The following TMEM154 variants were observed in gnomAD, a reference collection of about 807,000 sequenced individuals.
The protein encoded by TMEM154 is transmembrane protein 154.
A neutral mutation model predicts 24.5 loss-of-function variants in TMEM154; 27 were observed. That is an observed-to-expected ratio of 1.10 (90% CI 0.81 to 1.52). The LOEUF (loss-of-function observed/expected upper bound fraction) is 1.52, where lower values mean the gene tolerates loss of function less well. Ranked by LOEUF, TMEM154 falls within the 40% of genes most tolerant of loss-of-function variation. The pLI, the probability that TMEM154 is intolerant of heterozygous loss-of-function variation, is 0.00. For missense variants in TMEM154, 228 were observed against 213.4 expected, an observed-to-expected ratio of 1.07 and a Z score of -0.43; for synonymous variants, 67 against 76.8, an observed-to-expected ratio of 0.87 and a Z score of 0.67.
intron 1 of TMEM154, among the ~76,000 whole-genome samples, 174 bp from the exon 2 acceptor site, chr4:152,653,101 C>G (rs1239919834): frequency 6.6e-6 from 1 of 152,134 alleles, no homozygotes; most frequent in African/African-American, 2.4e-5. Flanking sequence ...GAAGCTCAAG[C>G]TGGGAGTGTA....
chr4:152,669,908 TA>T (rs1444648809), intron 1 of TMEM154: 1 of 152,258 alleles, frequency 6.6e-6, no homozygotes, highest in Non-Finnish European at 1.5e-5. Context: ...CCACCTTCTT[TA>T]ATTACTCAGG....
intron 3 of TMEM154, among the ~76,000 whole-genome samples, chr4:152,647,747 A>C (rs533550776): frequency 1.3e-5 from 2 of 152,358 alleles, no homozygotes; most frequent in East Asian, 3.9e-4. Flanking sequence ...GGATGATAAT[A>C]AGCTAGCACT....
chr4:152,660,036 T>G (rs1398156633), intron 1 of TMEM154, among the ~76,000 whole-genome samples: 1 of 151,448 alleles, frequency 6.6e-6, no homozygotes, highest in African/African-American at 2.4e-5. Context: ...AAAACGAAAC[T>G]GTGGATAAGG....
chr4:152,665,323 G>GCCCA (rs1318399222), intron 1 of TMEM154, among the ~76,000 whole-genome samples: 1 of 152,132 alleles, frequency 6.6e-6, no homozygotes, highest in Non-Finnish European at 1.5e-5. Context: ...TCTAGACCCT[G>GCCCA]CCCACTTCTG....
chr4:152,663,058 C>G (rs574978575), intron 1 of TMEM154, among the ~76,000 whole-genome samples: 1 of 152,176 alleles, frequency 6.6e-6, no homozygotes, highest in Admixed American at 6.5e-5. Context: ...AAAAAGTAGG[C>G]CTTCTGCTCT....
At chr4:152,661,284 TTCTCTCTC>T (rs70949609) in intron 1 of TMEM154, among the ~76,000 whole-genome samples, 1,997 of 63,310 alleles carry the variant, frequency 0.032, 29 homozygotes, top group East Asian at 0.063. Context: ...ATTGTTCTCT[TTCTCTCTC>T]TCTCTCTCTC....
chr4:152,639,540 T>C (rs1158523265), intron 6 of TMEM154, among the ~76,000 whole-genome samples: 1 of 152,078 alleles, frequency 6.6e-6, no homozygotes, highest in African/African-American at 2.4e-5. Flanking sequence ...CCTGGCATTG[T>C]TGTTTTCTTC....
rs1308169318 is a variant in TMEM154, at chr4:152,624,164, T to C, written c.*4382A>G. 2 of 152,214 alleles carry C rather than the reference T, an allele frequency of 1.3e-5. No homozygotes were observed. The highest frequency in any genetic ancestry group is 2.9e-5 in the Non-Finnish European group (2 of 68,042). The allele number at this position is 152,214 out of a possible 1,614,324, so 9.4% of individuals were successfully genotyped here. On this transcript the variant is annotated 3_prime_UTR_variant, in exon 7 of 7. Transcript: ENST00000304385. ...ACTTTGGTTTAGAAACTTCTTAAAA[T>C]ATCATTCAAAAAGAGCTTAGAGCAT... is the stretch of plus-strand genomic sequence containing the variant.
chr4:152,679,339 A>T (rs1283269272), intron 1 of TMEM154, among the ~76,000 whole-genome samples: 1 of 151,126 alleles, frequency 6.6e-6, no homozygotes, highest in East Asian at 1.9e-4. Flanking sequence ...TCTAACACAT[A>T]GCTCTTTGGT....
chr4:152,626,838 G>A lies in TMEM154; in HGVS notation c.*1708C>T, dbSNP rs1385927751. On this transcript the variant is annotated 3_prime_UTR_variant, in exon 7 of 7. Transcript: ENST00000304385. ...AGTAGCACACATAGGCAGAAAAATA[G>A]ACAAGTTATGATTCAGAAAACAATT... 1 of 152,178 alleles carries A rather than the reference G, an allele frequency of 6.6e-6. No homozygotes were observed. Among genetic ancestry groups the A allele is most frequent in the African/African-American group, 2.4e-5 (1 of 41,454 alleles). The allele number at this position is 152,178 out of a possible 1,614,324, so 9.4% of individuals were successfully genotyped here.
At chr4:152,640,807 C>T (rs1407103651) in intron 6 of TMEM154, 121 bp downstream of exon 6, 12 of 805,680 alleles carry the variant, frequency 1.5e-5, no homozygotes, top group African/African-American at 3.5e-5. Flanking sequence ...TATCCAGCCG[C>T]GTAAATGATC....
Position 152,644,421 on chromosome 4 carries a change from A to G in TMEM154, c.386T>C (p.Val129Ala), listed in dbSNP as rs761728172. 8.5e-5 allele frequency: 138 copies of G among 1,614,054 alleles called. No homozygotes were observed. Among genetic ancestry groups the G allele is most frequent in the Middle Eastern group, 1.6e-4 (1 of 6,084 alleles). ...LQTYELGSEN[V>A]KVPIFEEDTP... is the part of the protein sequence containing the mutation. ...AGCAGCAGGGAAAACTTACACTTTC[A>G]CGTTTTCACTTCCCAGTTCATCTAA... Residue 129 changes from valine (V) to alanine (A), a missense_variant, in exon 4 of 7, where the codon GTG (valine) becomes GCG (alanine). Physicochemically the swap from Val to Ala is moderately conservative, Grantham distance 64 (BLOSUM62 0). Transcript: ENST00000304385.
Position 152,656,318 on chromosome 4 carries a change from A to G in TMEM154, c.65-3391T>C, listed in dbSNP as rs571296516. Among the ~76,000 whole-genome samples the G allele has an allele frequency of 9.9e-5, 15 of 152,228 alleles. No individual in the cohort carries two copies. The South Asian group carries it at 2.1e-3, about 21-fold the overall frequency. On this transcript the variant is annotated intron_variant, in intron 1 of 6. Coordinates refer to ENST00000304385, the MANE Select transcript of TMEM154 (RefSeq NM_152680.3). Reference sequence around the variant, plus strand: ...CAGCCTGCCTGGACACACTAACACCAGTGCCAGTGTATACTGCCTTGGGAT... The same window carrying G: ...CAGCCTGCCTGGACACACTAACACCGGTGCCAGTGTATACTGCCTTGGGAT...
intron 1 of TMEM154, among the ~76,000 whole-genome samples, chr4:152,661,921 T>C (rs1399138270): frequency 6.6e-6 from 1 of 152,208 alleles, no homozygotes; most frequent in African/African-American, 2.4e-5. Context: ...GTATAAGTAT[T>C]GTTTCCTGTT....
intron 3 of TMEM154, among the ~76,000 whole-genome samples, chr4:152,649,024 T>C (rs1378542169): frequency 6.6e-6 from 1 of 152,258 alleles, no homozygotes; most frequent in East Asian, 1.9e-4. Flanking sequence ...GAATCTATTA[T>C]ATGGGCCTCT....
At chr4:152,660,603 G>T (rs750204069) in intron 1 of TMEM154, among the ~76,000 whole-genome samples, 1 of 152,296 alleles carries the variant, frequency 6.6e-6, no homozygotes, top group South Asian at 2.1e-4. Context: ...GAGGAGTGAC[G>T]ATTTGAAACC....
At chr4:152,674,833 C>T (rs1579540698) in intron 1 of TMEM154, among the ~76,000 whole-genome samples, 1 of 152,108 alleles carries the variant, frequency 6.6e-6, no homozygotes, top group African/African-American at 2.4e-5. Flanking sequence ...CCAGGTTCTG[C>T]TCTCAGGGCC....
At position 152,679,995 on chromosome 4, in the gene TMEM154, C is replaced by A; in HGVS notation, c.-62G>T. On this transcript the variant is annotated 5_prime_UTR_variant, in exon 1 of 7. Transcript: ENST00000304385. ...GCGCCGGGCTGCAGCCTCTCTGAAA[C>A]GTGAACATTTCCTGTTTCCTGCTTG... 1.3e-6 allele frequency: 2 copies of A among 1,488,288 alleles called. No homozygotes were observed. The highest frequency in any genetic ancestry group is 1.8e-6 in the Non-Finnish European group (2 of 1,083,504). The allele number at this position is 1,488,288 out of a possible 1,614,324, so 92.2% of individuals were successfully genotyped here.
rs1434934699 is a variant in TMEM154, at chr4:152,626,434, T to C, written c.*2112A>G. The C allele has an allele frequency of 6.6e-6, 1 of 152,282 alleles. No homozygotes were observed. The highest frequency in any genetic ancestry group is 1.5e-5 in the Non-Finnish European group (1 of 68,034). 9.4% of individuals were successfully genotyped at this position (152,282 alleles called of 1,614,324 possible). A position where few individuals can be genotyped will look rare whatever the true frequency, so the allele number is the denominator to read the frequency against. ...AATAAAAAGACACAAGGTACAAGAATTGAGGCTTGGCTGTTCTGGCTGTAT... is the reference window on the plus strand; with the variant it reads ...AATAAAAAGACACAAGGTACAAGAACTGAGGCTTGGCTGTTCTGGCTGTAT... On this transcript the variant is annotated 3_prime_UTR_variant, in exon 7 of 7. Transcript: ENST00000304385.
Sources: gnomAD v4.1 joint callset for allele counts (sites outside exome capture counted in the v4.1 genomes callset) on GRCh38, gnomAD v4.1.1 for gene constraint, MANE v1.5 for transcripts, NCBI Gene and HGNC (gene_info 2026-07-23, HGNC 2026-07-21) for gene names.